The following CHMP2B variants were observed in gnomAD, a reference collection of about 807,000 sequenced individuals.
The protein encoded by CHMP2B is VPS2 homolog B.
Under a neutral mutation model 29.8 loss-of-function variants are expected in CHMP2B, and 22 were observed. The ratio of observed to expected loss-of-function variants is 0.74; its 90% CI spans 0.53 to 1.05. The LOEUF (loss-of-function observed/expected upper bound fraction) is 1.05, where lower values mean the gene tolerates loss of function less well. CHMP2B is among the 50% of genes least tolerant of loss of function. CHMP2B has a pLI of 0.00. For missense variants in CHMP2B, 261 were observed against 252.2 expected, an observed-to-expected ratio of 1.03 and a Z score of -0.24; for synonymous variants, 78 against 75.8, an observed-to-expected ratio of 1.03 and a Z score of -0.15.
chr3:87,253,588 G>A, intron 5 of CHMP2B, 78 bp downstream of exon 5: 4 of 1,319,688 alleles, frequency 3.0e-6, no homozygotes, highest in Admixed American at 1.7e-5. Context: ...GTTTTTACTA[G>A]GAGGTGCATG....
chr3:87,237,582 C>T (rs1460255948), intron 1 of CHMP2B, among the ~76,000 whole-genome samples: 1 of 152,164 alleles, frequency 6.6e-6, no homozygotes. Context: ...CCAATCCATG[C>T]TCTAGGGGAC....
chr3:87,230,040 T>C (rs913077869), intron 1 of CHMP2B, among the ~76,000 whole-genome samples: 2 of 152,200 alleles, frequency 1.3e-5, no homozygotes, highest in African/African-American at 4.8e-5. Context: ...ACTTGGTTTT[T>C]CTTTTACCTG....
chr3:87,249,487 A>G (rs1396710795), intron 3 of CHMP2B, among the ~76,000 whole-genome samples: 1 of 152,056 alleles, frequency 6.6e-6, no homozygotes, highest in Non-Finnish European at 1.5e-5. Context: ...TTTTTAATTT[A>G]GACATTAAAA....
intron 1 of CHMP2B, among the ~76,000 whole-genome samples, chr3:87,236,653 A>T (rs1327805906): frequency 6.6e-6 from 1 of 152,082 alleles, no homozygotes. Flanking sequence ...GAAGTTCGAG[A>T]TCAGCCTGGC....
chr3:87,231,546 C>A (rs17188826), intron 1 of CHMP2B, among the ~76,000 whole-genome samples: 3,616 of 152,184 alleles, frequency 0.024, 62 homozygotes, highest in Non-Finnish European at 0.035. Context: ...GACTATGTTA[C>A]TCCTCAGTGT....
intron 3 of CHMP2B, among the ~76,000 whole-genome samples, chr3:87,247,035 A>G (rs1420944143): frequency 6.6e-6 from 1 of 152,218 alleles, no homozygotes. Context: ...AAGAAAAAAA[A>G]TAGCCTCAGA....
chr3:87,245,571 C>A, intron 2 of CHMP2B, 143 bp from the exon 3 acceptor site: 1 of 700,872 alleles, frequency 1.4e-6, no homozygotes, highest in South Asian at 2.0e-5. Context: ...CTCTTTTGCT[C>A]TATGACTTTA....
chr3:87,241,078 C>CT (rs1706110165), intron 2 of CHMP2B, among the ~76,000 whole-genome samples: 1 of 151,326 alleles, frequency 6.6e-6, no homozygotes, highest in Non-Finnish European at 1.5e-5. Flanking sequence ...ACAGAACCAC[C>CT]TTCTTAGTTA....
rs200912994 is a variant in CHMP2B, at chr3:87,240,692, C to G, written c.35-7C>G. On this transcript the variant is annotated splice_polypyrimidine_tract_variant and splice_region_variant and intron_variant, in intron 1 of 5. Coordinates refer to ENST00000263780, the MANE Select transcript of CHMP2B (RefSeq NM_014043.4). ...ATAAATTTAGGTTTCTTTTGTGATT[C>G]TCCTAGATGTAATAAAGGAACAGAA... 1.9e-6 allele frequency: 3 copies of G among 1,586,170 alleles called. No homozygotes were observed. The African/African-American group carries it at 4.0e-5, about 21-fold the overall frequency.
intron 1 of CHMP2B, among the ~76,000 whole-genome samples, chr3:87,233,403 A>G (rs573612749): frequency 1.2e-4 from 19 of 152,058 alleles, no homozygotes; most frequent in South Asian, 4.2e-4. Flanking sequence ...GTGACCTTTA[A>G]TATTTCTTTT....
At chr3:87,231,092 T>G (rs1705902914) in intron 1 of CHMP2B, among the ~76,000 whole-genome samples, 1 of 152,098 alleles carries the variant, frequency 6.6e-6, no homozygotes, top group Admixed American at 6.6e-5. Flanking sequence ...ATTCTCTCCC[T>G]GCATGATCTT....
In CHMP2B at chr3:87,255,290, T is replaced by C. The variant is rs1484330105; in HGVS notation, c.*1468T>C. The C allele has an allele frequency of 1.3e-5, 2 of 152,456 alleles. No individual in the cohort carries two copies. Among genetic ancestry groups the C allele is most frequent in the African/African-American group, 4.8e-5 (2 of 41,438 alleles). 9.4% of individuals were successfully genotyped at this position (152,456 alleles called of 1,614,324 possible). A position where few individuals can be genotyped will look rare whatever the true frequency, so the allele number is the denominator to read the frequency against. ...AAAGATTAGGTTTTGTTATTGATAGTATTAAATACACAGTTTCTCTTAACA... is the reference window on the plus strand; with the variant it reads ...AAAGATTAGGTTTTGTTATTGATAGCATTAAATACACAGTTTCTCTTAACA... On this transcript the variant is annotated 3_prime_UTR_variant, in exon 6 of 6. Transcript: ENST00000263780.
rs1245430445 is a variant in CHMP2B at position 87,245,924 on chromosome 3, T to C, written c.321+16T>C. 1 of 1,577,234 alleles carries C rather than the reference T, an allele frequency of 6.3e-7. No homozygotes were observed. Among genetic ancestry groups the C allele is most frequent in the African/African-American group, 1.4e-5 (1 of 74,042 alleles). ...TACAGCAAAAGTAAGTGAGAGCTTT[T>C]ATATTCATAGATTTTTAATTTTATC... On this transcript the variant is annotated intron_variant, in intron 3 of 5. Transcript: ENST00000263780.
rs1706356833 is a variant in CHMP2B, at chr3:87,253,832, G to T, written c.*10G>T. The T allele has an allele frequency of 6.3e-7, 1 of 1,583,978 alleles. No homozygotes were observed. Among genetic ancestry groups the T allele is most frequent in the Middle Eastern group, 1.7e-4 (1 of 5,992 alleles). On this transcript the variant is annotated 3_prime_UTR_variant, in exon 6 of 6. Coordinates refer to ENST00000263780, the MANE Select transcript of CHMP2B (RefSeq NM_014043.4). ...TTTAGGAGTAGATTAGTCAAAAGAA[G>T]TCATACTATTTTGCTTACTTATAAT...
At chr3:87,238,803 G>A (rs1387293447) in intron 1 of CHMP2B, among the ~76,000 whole-genome samples, 1 of 152,112 alleles carries the variant, frequency 6.6e-6, no homozygotes, top group Admixed American at 6.5e-5. Context: ...CACTTCTTTC[G>A]ATCTAAGAGT....
intron 3 of CHMP2B, among the ~76,000 whole-genome samples, chr3:87,248,537 A>G (rs1017042968): frequency 1.3e-5 from 2 of 151,762 alleles, no homozygotes; most frequent in Admixed American, 6.6e-5. Context: ...TTGTATATTT[A>G]GTAGAGATGG....
At chr3:87,249,599 G>A (rs1417208156) in intron 3 of CHMP2B, among the ~76,000 whole-genome samples, 3 of 151,910 alleles carry the variant, frequency 2.0e-5, no homozygotes, top group Admixed American at 1.3e-4. Flanking sequence ...GAATAGCAAA[G>A]GATTTTATGC....
intron 1 of CHMP2B, among the ~76,000 whole-genome samples, chr3:87,229,647 T>C (rs962889597): frequency 1.3e-5 from 2 of 152,170 alleles, no homozygotes; most frequent in Non-Finnish European, 2.9e-5. Context: ...AAGTTTAATG[T>C]ATTTTTATGT....
In CHMP2B at chr3:87,246,012, A is replaced by G. The variant is rs184689549; in HGVS notation, c.321+104A>G. The G allele has an allele frequency of 2.8e-3, 2,395 of 855,680 alleles. 7 individuals are homozygous for G. Among genetic ancestry groups the G allele is most frequent in the Non-Finnish European group, 3.7e-3 (2,015 of 538,628 alleles). 53.0% of individuals were successfully genotyped at this position (855,680 alleles called of 1,614,324 possible). On this transcript the variant is annotated intron_variant, in intron 3 of 5. Coordinates refer to ENST00000263780, the MANE Select transcript of CHMP2B (RefSeq NM_014043.4). ...AAGCACCTCCTGGTGTATATGTGAT[A>G]CAAAATGTGTGTAATTTTTAGTAAA...
Sources: allele counts gnomAD v4.1 joint callset (sites outside exome capture counted in the v4.1 genomes callset), GRCh38; gene constraint gnomAD v4.1.1; transcripts MANE v1.5; gene names NCBI Gene and HGNC (gene_info 2026-07-23, HGNC 2026-07-21).